GDPD4: variants seen among roughly 807,000 people sequenced by gnomAD.
GDPD4 encodes glycerophosphodiester phosphodiesterase domain containing 4.
Under a neutral mutation model 67.8 loss-of-function variants are expected in GDPD4, and 60 were observed. The observed-to-expected ratio is 0.88, with a 90% confidence interval of 0.72 to 1.10. The LOEUF is 1.10. Ranked by LOEUF, GDPD4 falls within the 50% of genes least tolerant of loss-of-function variation. The pLI is 0.00. For synonymous variants in GDPD4, 212 were observed against 210.9 expected (o/e 1.00, Z -0.04); for missense variants, 623 against 613.9 (o/e 1.01, Z -0.16).
intron 3 of GDPD4, among the ~76,000 whole-genome samples, chr11:77,284,861 C>G (rs529110404): frequency 1.6e-3 from 237 of 152,268 alleles, no homozygotes; most frequent in Admixed American, 2.7e-3. Flanking sequence ...CAGATTTAGT[C>G]TAAGTATGAG....
intron 11 of GDPD4, among the ~76,000 whole-genome samples, chr11:77,248,716 T>C (rs1166380177): frequency 6.6e-6 from 1 of 151,812 alleles, no homozygotes; most frequent in Non-Finnish European, 1.5e-5. Flanking sequence ...TGTACATTTA[T>C]TTATTTATTT....
At chr11:77,234,580 T>C (rs1958514346) in intron 13 of GDPD4, among the ~76,000 whole-genome samples, 1 of 152,212 alleles carries the variant, frequency 6.6e-6, no homozygotes, top group Admixed American at 6.5e-5. Context: ...CTCCCACTTA[T>C]AAGTGAGAAC....
rs1437309494 is a variant in GDPD4 at position 77,227,905 on chromosome 11, GTC to G, written c.1482_1483del (p.Glu494AspfsTer2). On this transcript the variant is annotated frameshift_variant, in exon 16 of 17. Transcript: ENST00000315938. LOFTEE classifies it low-confidence loss of function (END_TRUNC). ...GGTTTCAAACAATTTTTCTTTTTCAGTCTCTCTCCGCCTAGAAGGAAGCAGAC... is the reference window on the plus strand; with the variant it reads ...GGTTTCAAACAATTTTTCTTTTTCAGTCTCTCCGCCTAGAAGGAAGCAGAC... 1.9e-6 allele frequency: 3 copies of G among 1,612,696 alleles called. No individual in the cohort carries two copies. The highest frequency in any genetic ancestry group is 2.5e-6 in the Non-Finnish European group (3 of 1,178,742).
intron 1 of GDPD4, among the ~76,000 whole-genome samples, chr11:77,296,527 AGC>A (rs534040584): frequency 3.0e-4 from 45 of 150,942 alleles, no homozygotes; most frequent in Admixed American, 2.6e-3. Context: ...TCACCAAGTT[AGC>A]CAGGCCGGTC....
intron 8 of GDPD4, 62 bp downstream of exon 8, chr11:77,269,821 G>T (rs2135871661): frequency 3.5e-6 from 3 of 864,286 alleles, no homozygotes; most frequent in Non-Finnish European, 3.7e-6. Flanking sequence ...TTACCCATTT[G>T]TACATTTTCA....
intron 1 of GDPD4, among the ~76,000 whole-genome samples, chr11:77,297,284 T>C (rs959606170): frequency 6.6e-6 from 1 of 151,780 alleles, no homozygotes; most frequent in African/African-American, 2.4e-5. Flanking sequence ...CAGTGGCTCA[T>C]GCCTGTAATC....
At chr11:77,269,702 C>A (rs1247274249) in intron 8 of GDPD4, among the ~76,000 whole-genome samples, 181 bp downstream of exon 8, 5 of 151,974 alleles carry the variant, frequency 3.3e-5, no homozygotes, top group Admixed American at 6.6e-5. Flanking sequence ...CTTTCCTTCC[C>A]TCCCTCTCCC....
chr11:77,283,305 A>C (rs1959842081), intron 3 of GDPD4, among the ~76,000 whole-genome samples: 1 of 152,198 alleles, frequency 6.6e-6, no homozygotes, highest in African/African-American at 2.4e-5. Context: ...GCACTGTCTA[A>C]TGAAAGTAAT....
intron 3 of GDPD4, among the ~76,000 whole-genome samples, chr11:77,284,442 A>G (rs187243949): frequency 5.9e-5 from 9 of 152,334 alleles, no homozygotes; most frequent in Admixed American, 3.9e-4. Context: ...ATAACAAACC[A>G]TGTTTTACTT....
At chr11:77,255,915 T>C (rs1958995547) in intron 11 of GDPD4, among the ~76,000 whole-genome samples, 1 of 152,090 alleles carries the variant, frequency 6.6e-6, no homozygotes, top group Non-Finnish European at 1.5e-5. Flanking sequence ...ATAAGGATGC[T>C]ATTTAATAAG....
At position 77,279,461 on chromosome 11, in the gene GDPD4, G is replaced by T. The variant is rs1288557511; in HGVS notation, c.54-62C>A. ...AGAAATCAGTAGCATCTGTGTCAAG[G>T]ATGGGGACAAAACCAGACTAGATAA... On this transcript the variant is annotated intron_variant, in intron 3 of 16. Coordinates refer to ENST00000315938, the MANE Select transcript of GDPD4 (RefSeq NM_182833.3). 7 of 1,044,026 alleles carry T rather than the reference G, an allele frequency of 6.7e-6. No individual in the cohort carries two copies. In the Admixed American group the frequency reaches 7.2e-5, roughly 11 times the overall value. 64.7% of individuals were successfully genotyped at this position (1,044,026 alleles called of 1,614,324 possible).
intron 1 of GDPD4, among the ~76,000 whole-genome samples, chr11:77,292,428 G>A (rs1937810426): frequency 6.6e-6 from 1 of 151,924 alleles, no homozygotes. Flanking sequence ...ACACAATATA[G>A]AAACATTTGT....
chr11:77,251,128 T>G (rs1309475821), intron 11 of GDPD4, among the ~76,000 whole-genome samples: 1 of 152,186 alleles, frequency 6.6e-6, no homozygotes, highest in African/African-American at 2.4e-5. Flanking sequence ...AGTGACTAAT[T>G]GGTTTACATT....
At chr11:77,259,259 C>T (rs984801147) in intron 10 of GDPD4, among the ~76,000 whole-genome samples, 1 of 152,098 alleles carries the variant, frequency 6.6e-6, no homozygotes, top group Non-Finnish European at 1.5e-5. Flanking sequence ...GGATTATAGG[C>T]ATGAGCCACC....
rs1372447177 is a variant in GDPD4 at position 77,217,284 on chromosome 11, T to C, written c.1556A>G (p.Asp519Gly). ...DTQSGSKNEE[D>G]R ...ATGTGCAAATCTATCTATCTATCTA[T>C]CTTCCTCATTCTTACTTCCACTCTG... Residue 519 changes from aspartate to glycine, a missense_variant, in exon 17 of 17, where the codon GAT becomes GGT. Transcript: ENST00000315938. 5 of 1,606,480 alleles carry C rather than the reference T, an allele frequency of 3.1e-6. No individual in the cohort carries two copies. The highest frequency in any genetic ancestry group is 2.2e-5 in the East Asian group (1 of 44,856).
In GDPD4 at chr11:77,243,861, A is replaced by G. The variant is rs1281705507; in HGVS notation, c.1087-13T>C. 3 of 1,605,722 alleles carry G rather than the reference A, an allele frequency of 1.9e-6. No individual in the cohort carries two copies. In the East Asian group the frequency reaches 6.7e-5, roughly 36 times the overall value. ...GCAACCAAAAAATCTCTAAGGAGAA[A>G]CAAGAAGTCCCTCAGTAGATAATCA... On this transcript the variant is annotated splice_polypyrimidine_tract_variant and intron_variant, in intron 12 of 16. Coordinates refer to ENST00000315938, the MANE Select transcript of GDPD4 (RefSeq NM_182833.3).
Position 77,271,302 on chromosome 11 carries a change from G to C in GDPD4, c.299C>G (p.Ser100Ter). Reference protein sequence around the residue: ...WKERWLVAGLSMQIFAPYVHL... With the variant: ...WKERWLVAGL ...CTATAGGATGATGCTTACCTGCATT[G>C]ACAGCCCAGCTACCAGCCACCTTTC... The change falls in exon 6 of 17, where the codon TCA becomes TGA. Residue 100 changes from serine to a stop codon, truncating the protein, a stop_gained. Transcript: ENST00000315938. LOFTEE classifies it high-confidence loss of function. 1.2e-6 allele frequency: 2 copies of C among 1,612,480 alleles called. No individual in the cohort carries two copies. Among genetic ancestry groups the C allele is most frequent in the Non-Finnish European group, 1.7e-6 (2 of 1,178,512 alleles).
At position 77,271,360 on chromosome 11, in the gene GDPD4, T is replaced by C. The variant is rs193159718; in HGVS notation, c.241A>G (p.Ile81Val). ...AATTTGCATATAATGAACATTAAAA[T>C]GACACACAGAAGAATCACTAGCAGA... ...LILLVILLCV[I>V]LMFIICKFWK... Residue 81 changes from isoleucine (I) to valine (V), a missense_variant, in exon 6 of 17, where the codon ATT becomes GTT. By Grantham distance (29) the Ile-to-Val change is conservative. Transcript: ENST00000315938. The C allele has an allele frequency of 1.2e-6, 2 of 1,613,686 alleles. No individual in the cohort carries two copies. Among genetic ancestry groups the C allele is most frequent in the East Asian group, 2.2e-5 (1 of 44,878 alleles).
chr11:77,218,846 AC>A (rs959193353), intron 16 of GDPD4, among the ~76,000 whole-genome samples: 8,080 of 37,854 alleles, frequency 0.21, 742 homozygotes, highest in African/African-American at 0.32. Flanking sequence ...GCCGCAATAA[AC>A]AATACGTGTG....
Sources: gnomAD v4.1 joint callset for allele counts (sites outside exome capture counted in the v4.1 genomes callset) on GRCh38, gnomAD v4.1.1 for gene constraint, MANE v1.5 for transcripts, NCBI Gene and HGNC (gene_info 2026-07-23, HGNC 2026-07-21) for gene names.